FGGY: variants seen among roughly 807,000 people sequenced by gnomAD.
FGGY encodes FGGY carbohydrate kinase domain containing.
In FGGY, 72 loss-of-function variants were observed where a neutral mutation model predicts 71.3. That is an observed-to-expected ratio of 1.01 (90% CI 0.84 to 1.23). The LOEUF is 1.23. Ranked by LOEUF, FGGY falls within the 50% of genes most tolerant of loss-of-function variation. The pLI, the probability that FGGY is intolerant of heterozygous loss-of-function variation, is 0.00. For missense variants in FGGY, 668 were observed against 682.3 expected (o/e 0.98, Z 0.23); for synonymous variants, 251 against 250.3 (o/e 1.00, Z -0.02).
intron 11 of FGGY, among the ~76,000 whole-genome samples, chr1:59,646,919 G>A (rs2097100389): frequency 6.6e-6 from 1 of 152,166 alleles, no homozygotes. Flanking sequence ...TTTTTAATGT[G>A]CCTGGCATCT....
intron 8 of FGGY, among the ~76,000 whole-genome samples, chr1:59,587,866 T>C (rs886151801): frequency 2.0e-5 from 3 of 152,000 alleles, no homozygotes; most frequent in Non-Finnish European, 4.4e-5. Context: ...GCAGAAAAAC[T>C]GGAAACTCTA....
intron 7 of FGGY, among the ~76,000 whole-genome samples, chr1:59,549,144 A>G (rs551467581): frequency 1.8e-4 from 28 of 152,286 alleles, no homozygotes; most frequent in Non-Finnish European, 2.6e-4. Flanking sequence ...TCCTTCCAGA[A>G]GCATACAGTT....
At position 59,638,340 on chromosome 1, in the gene FGGY, C is replaced by T. The variant is rs753670605; in HGVS notation, c.1186C>T (p.Arg396Trp). The T allele has an allele frequency of 1.9e-5, 31 of 1,614,066 alleles. No individual in the cohort carries two copies. The highest frequency in any genetic ancestry group is 9.9e-5 in the South Asian group (9 of 91,084). Residue 396 changes from arginine (R) to tryptophan (W), a missense_variant, in exon 11 of 16, where the codon CGG (arginine) becomes TGG (tryptophan). By Grantham distance (101) the Arg-to-Trp change is moderately radical. Coordinates refer to ENST00000303721, the MANE Select transcript of FGGY (RefSeq NM_018291.5). ...LHVWPDFHGNRSPLADLTLKG... is the reference protein window; with the variant it reads ...LHVWPDFHGNWSPLADLTLKG... ...TGTTTGGCCAGATTTCCATGGCAAC[C>T]GGTCTCCCTTAGCAGATCTGACACT...
Position 59,314,693 on chromosome 1 carries a change from C to T in FGGY, c.-14-6843C>T, listed in dbSNP as rs374832783. On this transcript the variant is annotated intron_variant, in intron 1 of 15. Transcript: ENST00000303721. ...TAGTGTTGTGGAGAAGAATTGTCTT[C>T]ATTTCTCCCAAATGCAGTGACTATT... Among the ~76,000 whole-genome samples the T allele has an allele frequency of 5.9e-5, 9 of 152,288 alleles. No homozygotes were observed. The South Asian group carries it at 1.9e-3, about 32-fold the overall frequency.
chr1:59,340,082 C>G lies in FGGY; in HGVS notation c.313+13C>G, dbSNP rs1281531714. ...GTCAACCAGGAAGGTAAGACCATGT[C>G]TCTTCCTTTTCCCAGTGGTGGGATA... On this transcript the variant is annotated intron_variant, in intron 3 of 15. Coordinates refer to ENST00000303721, the MANE Select transcript of FGGY (RefSeq NM_018291.5). 6.3e-7 allele frequency: 1 copy of G among 1,574,980 alleles called. No individual in the cohort carries two copies. Among genetic ancestry groups the G allele is most frequent in the South Asian group, 1.1e-5 (1 of 88,482 alleles).
chr1:59,468,676 T>C (rs1367181414), intron 6 of FGGY, among the ~76,000 whole-genome samples: 3 of 151,948 alleles, frequency 2.0e-5, no homozygotes, highest in African/African-American at 7.3e-5. Flanking sequence ...ATCGAGACCA[T>C]ACTGGCTAAC....
rs539058248 is a variant in FGGY, at chr1:59,347,271, G to A, written c.465+873G>A. On this transcript the variant is annotated intron_variant, in intron 4 of 15. Coordinates refer to ENST00000303721, the MANE Select transcript of FGGY (RefSeq NM_018291.5). The stretch of plus-strand genomic sequence containing the variant: ...CTCCCCCCACCCCACAACAGGCCCC[G>A]GTGTGTGATGTTCCCCTTCCTGTGT... 4.9e-3 allele frequency among the ~76,000 whole-genome samples: 513 copies of A among 103,918 alleles called. 8 individuals carry two copies. Among genetic ancestry groups the A allele is most frequent in the Admixed American group, 0.039 (272 of 6,948 alleles). The allele number at this position is 103,918 out of a possible 152,430, so 68.2% of individuals were successfully genotyped here.
chr1:59,586,982 A>C (rs1051280237), intron 8 of FGGY, among the ~76,000 whole-genome samples: 1 of 152,250 alleles, frequency 6.6e-6, no homozygotes, highest in Non-Finnish European at 1.5e-5. Flanking sequence ...GAGCTGAAGC[A>C]GGGCAAGGCA....
At chr1:59,323,800 T>C (rs564690988) in intron 2 of FGGY, among the ~76,000 whole-genome samples, 1 of 152,332 alleles carries the variant, frequency 6.6e-6, no homozygotes, top group East Asian at 1.9e-4. Context: ...TAACATTGCC[T>C]AGAAATGTGT....
At chr1:59,591,985 C>G (rs976306630) in intron 8 of FGGY, among the ~76,000 whole-genome samples, 1 of 152,126 alleles carries the variant, frequency 6.6e-6, no homozygotes, top group Admixed American at 6.5e-5. Context: ...AAGAAACTAC[C>G]ATCAGACTGA....
rs765742657 is a variant in FGGY at position 59,445,953 on chromosome 1, A to G, written c.555-11008A>G. Among the ~76,000 whole-genome samples, 9 of 152,148 alleles carry G rather than the reference A, an allele frequency of 5.9e-5. No homozygotes were observed. In the South Asian group the frequency reaches 6.2e-4, roughly 11 times the overall value. ...CTCTTTCCTAATGATACAACCTCCA[A>G]TGACTTAACTTCTGAGCCTCAGTAT... On this transcript the variant is annotated intron_variant, in intron 5 of 15. Coordinates refer to ENST00000303721, the MANE Select transcript of FGGY (RefSeq NM_018291.5).
At chr1:59,365,101 C>T (rs1383569369) in intron 4 of FGGY, among the ~76,000 whole-genome samples, 1 of 152,088 alleles carries the variant, frequency 6.6e-6, no homozygotes, top group African/African-American at 2.4e-5. Flanking sequence ...AGACATGTCT[C>T]AGAGGAGAGT....
chr1:59,583,948 C>A (rs569623228), intron 8 of FGGY, among the ~76,000 whole-genome samples: 1 of 147,558 alleles, frequency 6.8e-6, no homozygotes, highest in East Asian at 2.0e-4. Flanking sequence ...GACGGCTCAC[C>A]ACTTATGTGT....
chr1:59,307,548 T>A (rs2043635517), intron 1 of FGGY, among the ~76,000 whole-genome samples: 1 of 152,176 alleles, frequency 6.6e-6, no homozygotes, highest in Admixed American at 6.5e-5. Context: ...CTCAGAACCT[T>A]GGTTTCCCAT....
chr1:59,518,060 G>A (rs1305249957), intron 7 of FGGY, among the ~76,000 whole-genome samples: 1 of 152,158 alleles, frequency 6.6e-6, no homozygotes, highest in Non-Finnish European at 1.5e-5. Flanking sequence ...GGATTATTTG[G>A]CAGATGTTGA....
intron 14 of FGGY, among the ~76,000 whole-genome samples, chr1:59,689,084 A>G (rs2097568822): frequency 6.6e-6 from 1 of 152,122 alleles, no homozygotes; most frequent in Admixed American, 6.6e-5. Flanking sequence ...GAGAAAGGCC[A>G]GGTACCCTAT....
chr1:59,538,672 G>T (rs2095380884), intron 7 of FGGY, among the ~76,000 whole-genome samples: 1 of 151,806 alleles, frequency 6.6e-6, no homozygotes, highest in Admixed American at 6.6e-5. Context: ...CCATAAAAAA[G>T]GATGAGTTCA....
chr1:59,703,786 C>T (rs2097729797), intron 14 of FGGY, among the ~76,000 whole-genome samples: 1 of 152,174 alleles, frequency 6.6e-6, no homozygotes, highest in Non-Finnish European at 1.5e-5. Context: ...TTTGACTTTG[C>T]TTTCCCCTGA....
At chr1:59,737,538 T>C (rs775851337) in intron 14 of FGGY, among the ~76,000 whole-genome samples, 4 of 152,156 alleles carry the variant, frequency 2.6e-5, no homozygotes, top group African/African-American at 4.8e-5. Context: ...AGGAGATCAT[T>C]TTGTAGTTTT....
Sources: allele counts gnomAD v4.1 joint callset (sites outside exome capture counted in the v4.1 genomes callset), GRCh38; gene constraint gnomAD v4.1.1; transcripts MANE v1.5; gene names NCBI Gene and HGNC (gene_info 2026-07-23, HGNC 2026-07-21).